Variants in ATP1B4 observed in about 807,000 individuals in gnomAD.
The protein encoded by ATP1B4 is protein ATP1B4.
ATP1B4 carries 32 observed loss-of-function variants against 29.6 expected under a neutral mutation model. That is an observed-to-expected ratio of 1.08 (90% CI 0.82 to 1.45). The LOEUF is 1.45. Ranked by LOEUF, ATP1B4 falls within the 40% of genes most tolerant of loss-of-function variation. The pLI, the probability that ATP1B4 is intolerant of heterozygous loss-of-function variation, is 0.00. For synonymous variants in ATP1B4, 127 were observed against 102.1 expected, an observed-to-expected ratio of 1.24 and a Z score of -1.47; for missense variants, 323 against 276.2, an observed-to-expected ratio of 1.17 and a Z score of -1.20.
chrX:120,370,698 C>T lies in ATP1B4; in HGVS notation c.329-17C>T. The stretch of plus-strand genomic sequence containing the variant: ...GTTGGCAAGCACTGACCACTCTCAT[C>T]TGTGATTGCTCTGCAGGCCTGATCT... On this transcript the variant is annotated splice_polypyrimidine_tract_variant and intron_variant, in intron 2 of 7. Transcript: ENST00000218008. The T allele has an allele frequency of 8.3e-7, 1 of 1,208,677 alleles. No homozygotes were observed.
At chrX:120,368,461 G>A (rs992243233) in intron 2 of ATP1B4, among the ~76,000 whole-genome samples, 3 of 111,831 alleles carry the variant, frequency 2.7e-5, no homozygotes, top group African/African-American at 6.5e-5. Flanking sequence ...TGGTATCTAC[G>A]CAACCCCTAT....
intron 6 of ATP1B4, 45 bp from the exon 7 acceptor site, chrX:120,378,633 C>T (rs1334596565): frequency 1.9e-6 from 2 of 1,074,441 alleles, no homozygotes; most frequent in Non-Finnish European, 2.6e-6. Context: ...GACTCTAGCC[C>T]ACTCTGTGAC....
chrX:120,366,429 C>A (rs2058285798), intron 1 of ATP1B4, 96 bp from the exon 2 acceptor site: 1 of 999,712 alleles, frequency 1.0e-6, no homozygotes, highest in Non-Finnish European at 1.4e-6. Flanking sequence ...TGAAGCATCT[C>A]CAAATATTGA....
chrX:120,365,778 C>A (rs761051266), intron 1 of ATP1B4, among the ~76,000 whole-genome samples: 2 of 112,268 alleles, frequency 1.8e-5, no homozygotes, highest in Non-Finnish European at 3.8e-5. Flanking sequence ...GTAATGGCTG[C>A]AATCAGTCAA....
intron 1 of ATP1B4, among the ~76,000 whole-genome samples, chrX:120,365,996 G>A (rs1173412433): frequency 8.9e-6 from 1 of 111,841 alleles, no homozygotes; most frequent in African/African-American, 3.3e-5. Flanking sequence ...AAGTTTTGAG[G>A]AGGGGTACAG....
chrX:120,374,913 C>A (rs1338667915), intron 4 of ATP1B4, among the ~76,000 whole-genome samples: 2 of 88,934 alleles, frequency 2.2e-5, no homozygotes, highest in African/African-American at 8.5e-5. Flanking sequence ...TATATATATA[C>A]CCTTATATAT....
chrX:120,376,520 G>A, intron 6 of ATP1B4, 84 bp downstream of exon 6: 1 of 841,298 alleles, frequency 1.2e-6, no homozygotes, highest in Non-Finnish European at 1.8e-6. Flanking sequence ...ACTTACACAT[G>A]GATGGTAGGC....
intron 6 of ATP1B4, among the ~76,000 whole-genome samples, chrX:120,378,094 T>C (rs1207759600): frequency 9.0e-6 from 1 of 111,131 alleles, no homozygotes; most frequent in Non-Finnish European, 1.9e-5. Context: ...CCTACTGTAA[T>C]TAAGCACTAC....
chrX:120,364,031 A>G (rs2058274693), intron 1 of ATP1B4, among the ~76,000 whole-genome samples: 1 of 110,832 alleles, frequency 9.0e-6, no homozygotes, highest in Non-Finnish European at 1.9e-5. Context: ...AACCTCTCAC[A>G]GCCTCTCGGG....
At chrX:120,365,639 ACT>A (rs1191637028) in intron 1 of ATP1B4, among the ~76,000 whole-genome samples, 1 of 111,490 alleles carries the variant, frequency 9.0e-6, no homozygotes, top group African/African-American at 3.3e-5. Context: ...CAAAGATACA[ACT>A]CTCTGGCCTG....
rs769478430 is a variant in ATP1B4, at chrX:120,379,793, T to C, written c.*159T>C. On this transcript the variant is annotated 3_prime_UTR_variant, in exon 8 of 8. Coordinates refer to ENST00000218008, the MANE Select transcript of ATP1B4 (RefSeq NM_001142447.3). ...CCTATGACATGTGTATAAAATGACA[T>C]TGTGGGAGCTGTTCGATTTTTTAAA... 4 of 502,515 alleles carry C rather than the reference T, an allele frequency of 8.0e-6. No homozygotes were observed. Among genetic ancestry groups the C allele is most frequent in the Non-Finnish European group, 1.2e-5 (4 of 333,262 alleles). The allele number at this position is 502,515 out of a possible 1,213,427, so 41.4% of individuals were successfully genotyped here.
At chrX:120,371,983 A>G (rs752023639) in intron 4 of ATP1B4, among the ~76,000 whole-genome samples, 1 of 112,608 alleles carries the variant, frequency 8.9e-6, no homozygotes, top group Admixed American at 9.4e-5. Flanking sequence ...TCATTATTTA[A>G]CAGCATTCCA....
At chrX:120,362,350 C>T (rs1408249080) in intron 1 of ATP1B4, 119 bp downstream of exon 1, 16 of 692,748 alleles carry the variant, frequency 2.3e-5, no homozygotes, top group African/African-American at 8.6e-5. Flanking sequence ...GCAGAAACAG[C>T]GAAGTTTAGG....
chrX:120,371,809 C>G (rs1244187257), intron 4 of ATP1B4, among the ~76,000 whole-genome samples: 1 of 112,064 alleles, frequency 8.9e-6, no homozygotes, highest in South Asian at 3.8e-4. Flanking sequence ...GCTGGGACTA[C>G]ATGTGCGTGC....
intron 1 of ATP1B4, among the ~76,000 whole-genome samples, chrX:120,363,670 G>C (rs1189139556): frequency 9.0e-6 from 1 of 111,349 alleles, no homozygotes; most frequent in Non-Finnish European, 1.9e-5. Context: ...TATATATTTA[G>C]ATTACTCAAA....
rs749406964 is a variant in ATP1B4 at position 120,382,003 on chromosome X, C to T, written c.*2369C>T. On this transcript the variant is annotated 3_prime_UTR_variant, in exon 8 of 8. Transcript: ENST00000218008. ...TCAGACATTGATGTGGAGATGTAAA[C>T]ACATGTAGGGTTGGTGAGAAGGAAA... The T allele has an allele frequency of 8.9e-6, 1 of 111,824 alleles. No homozygotes were observed. The highest frequency in any genetic ancestry group is 1.9e-5 in the Non-Finnish European group (1 of 53,194). 9.2% of individuals were successfully genotyped at this position (111,824 alleles called of 1,213,427 possible).
At position 120,364,807 on chromosome X, in the gene ATP1B4, C is replaced by G. The variant is rs756701191; in HGVS notation, c.64-1718C>G. On this transcript the variant is annotated intron_variant, in intron 1 of 7. Coordinates refer to ENST00000218008, the MANE Select transcript of ATP1B4 (RefSeq NM_001142447.3). ...TCACAGCTCACTGCAGCCTTGACCT[C>G]CCAGGCTCAAGTGATCCTCCTGCCT... Among the ~76,000 whole-genome samples the G allele has an allele frequency of 2.5e-3, 276 of 112,045 alleles. 1 individual carries two copies. The highest frequency in any genetic ancestry group is 7.4e-3 in the African/African-American group (227 of 30,838).
chrX:120,363,219 G>A (rs372104207), intron 1 of ATP1B4, among the ~76,000 whole-genome samples: 9 of 111,627 alleles, frequency 8.1e-5, no homozygotes, highest in African/African-American at 1.6e-4. Flanking sequence ...TCAACAGCCC[G>A]CAGAAGAAAA....
At position 120,382,356 on chromosome X, in the gene ATP1B4, A is replaced by G. The variant is rs1259877900; in HGVS notation, c.*2722A>G. On this transcript the variant is annotated 3_prime_UTR_variant, in exon 8 of 8. Transcript: ENST00000218008. ...CTCCTCTCAACCCATTTTCTTAACA[A>G]ATTCAATTTTCAAAACTAACCTTTA... 1 of 112,352 alleles carries G rather than the reference A, an allele frequency of 8.9e-6. No homozygotes were observed. Among genetic ancestry groups the G allele is most frequent in the Non-Finnish European group, 1.9e-5 (1 of 53,259 alleles). 9.3% of individuals were successfully genotyped at this position (112,352 alleles called of 1,213,427 possible).
Sources: allele counts gnomAD v4.1 joint callset (sites outside exome capture counted in the v4.1 genomes callset), GRCh38; gene constraint gnomAD v4.1.1; transcripts MANE v1.5; gene names NCBI Gene and HGNC (gene_info 2026-07-23, HGNC 2026-07-21).